The following PARD3 variants were observed in gnomAD, a reference collection of about 807,000 sequenced individuals.
PARD3 encodes the protein partitioning defective 3 homolog.
PARD3 carries 75 observed loss-of-function variants against 155.4 expected under a neutral mutation model. The ratio of observed to expected loss-of-function variants is 0.48; its 90% CI spans 0.40 to 0.58. The LOEUF is 0.58. Among genes scored for constraint, PARD3 ranks in the 20% least tolerant of loss-of-function variants. PARD3 has a pLI of 0.00. For missense variants in PARD3, 1,642 were observed against 1,721.7 expected (o/e 0.95, Z 0.82); for synonymous variants, 576 against 610.5 (o/e 0.94, Z 0.83).
chr10:34,267,828 T>C (rs965722252), intron 22 of PARD3, among the ~76,000 whole-genome samples: 9 of 152,272 alleles, frequency 5.9e-5, no homozygotes, highest in Non-Finnish European at 7.4e-5. Context: ...ATGCAAATTA[T>C]TGGGCTCAAC....
intron 1 of PARD3, among the ~76,000 whole-genome samples, chr10:34,760,602 G>A (rs991634806): frequency 5.9e-5 from 9 of 152,210 alleles, no homozygotes; most frequent in African/African-American, 2.2e-4. Context: ...AAAGCGCTGG[G>A]ATTACAGGCA....
At chr10:34,225,685 G>A (rs1952561726) in intron 22 of PARD3, among the ~76,000 whole-genome samples, 1 of 152,114 alleles carries the variant, frequency 6.6e-6, no homozygotes, top group African/African-American at 2.4e-5. Flanking sequence ...ACATACACAT[G>A]CGAGCAAGAT....
chr10:34,670,396 C>T (rs2093589683), intron 2 of PARD3, among the ~76,000 whole-genome samples: 1 of 152,272 alleles, frequency 6.6e-6, no homozygotes, highest in African/African-American at 2.4e-5. Context: ...AGGGCATATG[C>T]TCAAATGCCA....
intron 4 of PARD3, among the ~76,000 whole-genome samples, chr10:34,453,512 C>T (rs983927462): frequency 2.0e-5 from 3 of 152,156 alleles, no homozygotes; most frequent in African/African-American, 7.2e-5. Flanking sequence ...CCCTATTTCA[C>T]ATGGTTTCAA....
At chr10:34,510,431 T>C (rs894265093) in intron 3 of PARD3, among the ~76,000 whole-genome samples, 6 of 152,342 alleles carry the variant, frequency 3.9e-5, no homozygotes, top group African/African-American at 1.2e-4. Context: ...TATTTCCACA[T>C]TAAAAAGCAA....
At chr10:34,161,946 C>T (rs1034775906) in intron 22 of PARD3, among the ~76,000 whole-genome samples, 1 of 152,112 alleles carries the variant, frequency 6.6e-6, no homozygotes, top group African/African-American at 2.4e-5. Context: ...TGGGTGGGAC[C>T]AGCTTTGTCA....
At chr10:34,783,313 A>G (rs1588724433) in intron 1 of PARD3, among the ~76,000 whole-genome samples, 1 of 152,120 alleles carries the variant, frequency 6.6e-6, no homozygotes, top group Non-Finnish European at 1.5e-5. Context: ...ATTTAAGGAT[A>G]TAAGTCCTCG....
chr10:34,765,882 G>A (rs1838023988), intron 1 of PARD3, among the ~76,000 whole-genome samples: 1 of 152,114 alleles, frequency 6.6e-6, no homozygotes, highest in Non-Finnish European at 1.5e-5. Context: ...AATCCTAAAA[G>A]TAAGTACTAT....
chr10:34,389,441 CAT>C (rs750400058), intron 7 of PARD3, among the ~76,000 whole-genome samples: 48 of 152,214 alleles, frequency 3.2e-4, no homozygotes, highest in Non-Finnish European at 5.7e-4. Context: ...CGCAGTCACA[CAT>C]GTTAACATTT....
At chr10:34,496,067 T>C (rs2080261579) in intron 3 of PARD3, among the ~76,000 whole-genome samples, 1 of 151,646 alleles carries the variant, frequency 6.6e-6, no homozygotes, top group Non-Finnish European at 1.5e-5. Flanking sequence ...CTGGGCATGG[T>C]GGTGTGCGCC....
At chr10:34,474,922 T>C (rs905013750) in intron 3 of PARD3, among the ~76,000 whole-genome samples, 2 of 152,162 alleles carry the variant, frequency 1.3e-5, no homozygotes, top group Non-Finnish European at 2.9e-5. Context: ...CATAAACATA[T>C]ATTGTAAGAG....
intron 2 of PARD3, among the ~76,000 whole-genome samples, chr10:34,694,615 C>T (rs2094131765): frequency 6.6e-6 from 1 of 151,662 alleles, no homozygotes; most frequent in African/African-American, 2.4e-5. Context: ...GGACTACAGG[C>T]ACCCGCCACC....
At chr10:34,499,277 T>C (rs1589789810) in intron 3 of PARD3, among the ~76,000 whole-genome samples, 1 of 152,200 alleles carries the variant, frequency 6.6e-6, no homozygotes, top group Non-Finnish European at 1.5e-5. Context: ...AAAAAGAGTA[T>C]GTGAAGATGG....
chr10:34,447,205 G>A (rs1424890629), intron 5 of PARD3, among the ~76,000 whole-genome samples: 1 of 152,014 alleles, frequency 6.6e-6, no homozygotes, highest in Admixed American at 6.5e-5. Flanking sequence ...AATACAGCCG[G>A]GTAGAGTGGC....
intron 24 of PARD3, 82 bp downstream of exon 24, chr10:34,119,531 C>G: frequency 3.6e-6 from 5 of 1,390,608 alleles, no homozygotes; most frequent in Non-Finnish European, 4.8e-6. Context: ...GCCCCAGTGA[C>G]TTGGGAAGGA....
chr10:34,333,060 T>A (rs1481285363), intron 18 of PARD3, among the ~76,000 whole-genome samples: 1 of 152,170 alleles, frequency 6.6e-6, no homozygotes, highest in Non-Finnish European at 1.5e-5. Flanking sequence ...TCAACTTTCA[T>A]AATTTACCAG....
intron 22 of PARD3, among the ~76,000 whole-genome samples, chr10:34,258,722 CT>C (rs1440332335): frequency 2.0e-5 from 3 of 151,966 alleles, no homozygotes; most frequent in Non-Finnish European, 4.4e-5. Context: ...AATCCAAAAC[CT>C]AAGAGGAAAA....
At chr10:34,550,331 C>T (rs2084439911) in intron 2 of PARD3, among the ~76,000 whole-genome samples, 1 of 152,166 alleles carries the variant, frequency 6.6e-6, no homozygotes. Flanking sequence ...CCCACCTCTG[C>T]CTCCCAGGTA....
At chr10:34,583,014 A>T (rs2087640477) in intron 2 of PARD3, among the ~76,000 whole-genome samples, 1 of 152,218 alleles carries the variant, frequency 6.6e-6, no homozygotes, top group South Asian at 2.1e-4. Flanking sequence ...GGTTGTCAAT[A>T]CATACCAGAC....
Sources: allele counts gnomAD v4.1 joint callset (sites outside exome capture counted in the v4.1 genomes callset), GRCh38; gene constraint gnomAD v4.1.1; transcripts MANE v1.5; gene names NCBI Gene and HGNC (gene_info 2026-07-23, HGNC 2026-07-21).